Variants in ABLIM1 observed in about 807,000 individuals in gnomAD.
ABLIM1 encodes actin binding LIM protein 1.
Under a neutral mutation model 107.0 loss-of-function variants are expected in ABLIM1, and 40 were observed. That is an observed-to-expected ratio of 0.37 (90% CI 0.29 to 0.49). ABLIM1 has a LOEUF of 0.49. ABLIM1 is among the 20% of genes least tolerant of loss of function. The pLI, the probability that ABLIM1 is intolerant of heterozygous loss-of-function variation, is 0.97. For synonymous variants in ABLIM1, 357 were observed against 357.3 expected (o/e 1.00, Z 0.01); for missense variants, 857 against 1,008.5 (o/e 0.85, Z 2.04).
Position 114,487,993 on chromosome 10 carries a change from A to T in ABLIM1, c.1006T>A (p.Cys336Ser), listed in dbSNP as rs1200318888. 1 of 1,614,140 alleles carries T rather than the reference A, an allele frequency of 6.2e-7. No homozygotes were observed. The change falls in exon 8 of 23, where the codon TGT becomes AGT. Residue 336 changes from cysteine (C) to serine (S), a missense_variant. Cys to Ser is a moderately radical substitution (Grantham distance 112, BLOSUM62 -1). Transcript: ENST00000533213. Reference sequence around the variant, plus strand: ...TCCTCGGTCTTCGTAGATTGCTTACAGTCGGGATGCCAAACGGTGGAGCCT... The same window carrying T: ...TCCTCGGTCTTCGTAGATTGCTTACTGTCGGGATGCCAAACGGTGGAGCCT... The part of the protein sequence containing the change: ...LQGSTVWHPD[C>S]KQSTKTEEKL...
intron 8 of ABLIM1, among the ~76,000 whole-genome samples, chr10:114,481,289 C>G (rs2057330286): frequency 6.6e-6 from 1 of 151,984 alleles, no homozygotes; most frequent in South Asian, 2.1e-4. Context: ...CTGCCCTCCC[C>G]CCATTCAGCA....
intron 1 of ABLIM1, among the ~76,000 whole-genome samples, chr10:114,635,305 T>A (rs1281005744): frequency 6.6e-6 from 1 of 152,214 alleles, no homozygotes; most frequent in African/African-American, 2.4e-5. Context: ...TGGCAAAAAT[T>A]CAAGCGTACA....
Position 114,547,813 on chromosome 10 carries a change from T to C in ABLIM1, c.674-37A>G, listed in dbSNP as rs148786594. On this transcript the variant is annotated intron_variant, in intron 4 of 22. Coordinates refer to ENST00000533213, the MANE Select transcript of ABLIM1 (RefSeq NM_002313.7). Reference sequence around the variant, plus strand: ...CAGCCGCCAGTGGTTACTACACATTTCCTTTGCTAAATCCAAGCAGGCAGC... The same window carrying C: ...CAGCCGCCAGTGGTTACTACACATTCCCTTTGCTAAATCCAAGCAGGCAGC... 5.9e-4 allele frequency: 948 copies of C among 1,597,224 alleles called. 1 individual carries two copies. The African/African-American group carries it at 0.011, about 19-fold the overall frequency.
chr10:114,763,669 C>G (rs760460104), intron 1 of ABLIM1, among the ~76,000 whole-genome samples: 1 of 152,142 alleles, frequency 6.6e-6, no homozygotes, highest in South Asian at 2.1e-4. Flanking sequence ...GAGGCATGAG[C>G]CACTGCACCC....
chr10:114,534,078 T>G lies in ABLIM1; in HGVS notation c.894+10927A>C, dbSNP rs187953630. On this transcript the variant is annotated intron_variant, in intron 6 of 22. Transcript: ENST00000533213. ...AAATTCCCGTGGAATTCATTGAAGA[T>G]CACCTCTGTCGGGTAGGTGGGGCAC... 1.1e-3 allele frequency among the ~76,000 whole-genome samples: 168 copies of G among 152,258 alleles called. 1 individual carries two copies. The highest frequency in any genetic ancestry group is 3.9e-3 in the African/African-American group (160 of 41,536).
rs375279462 is a variant in ABLIM1 at position 114,619,634 on chromosome 10, C to A, written c.245-17673G>T. Among the ~76,000 whole-genome samples, 1 of 152,280 alleles carries A rather than the reference C, an allele frequency of 6.6e-6. No individual in the cohort carries two copies. Among genetic ancestry groups the A allele is most frequent in the East Asian group, 1.9e-4 (1 of 5,184 alleles). On this transcript the variant is annotated intron_variant, in intron 1 of 22. Coordinates refer to ENST00000533213, the MANE Select transcript of ABLIM1 (RefSeq NM_002313.7). This position sits in a 1 kb window ranked among gnomAD's most constrained non-coding sequence, Gnocchi z 4.1. ...CATGGCAGATAGTCCTGGTCCTGAT[C>A]TTGCTCCTCCCTCCCTGGCTGTGAT...
chr10:114,456,918 C>T (rs2133104206), intron 12 of ABLIM1, among the ~76,000 whole-genome samples: 2 of 127,042 alleles, frequency 1.6e-5, no homozygotes, highest in South Asian at 5.2e-4. Context: ...ATTCACCTCT[C>T]TAGTTGTTTT....
At chr10:114,599,141 T>C (rs943154235) in intron 2 of ABLIM1, among the ~76,000 whole-genome samples, 3 of 152,220 alleles carry the variant, frequency 2.0e-5, no homozygotes, top group Non-Finnish European at 4.4e-5. Flanking sequence ...TGAGAAAATA[T>C]AAATTTATAA....
At chr10:114,666,935 G>A (rs1026626722) in intron 1 of ABLIM1, among the ~76,000 whole-genome samples, 1 of 152,090 alleles carries the variant, frequency 6.6e-6, no homozygotes, top group Non-Finnish European at 1.5e-5. Context: ...AAGCCAGCCA[G>A]GTATTGCCAG....
intron 6 of ABLIM1, among the ~76,000 whole-genome samples, chr10:114,544,071 A>AG (rs1208436683): frequency 1.3e-5 from 2 of 152,084 alleles, no homozygotes; most frequent in East Asian, 1.9e-4. Context: ...GGTGGCGGGG[A>AG]GGGGGGCCTC....
chr10:114,608,630 T>G (rs1319807784), intron 1 of ABLIM1, among the ~76,000 whole-genome samples: 1 of 145,282 alleles, frequency 6.9e-6, no homozygotes, highest in East Asian at 2.1e-4. Flanking sequence ...GATCGTGCCA[T>G]TGCACTCCAT....
At chr10:114,770,552 A>T (rs1437996995), upstream of ABLIM1, among the ~76,000 whole-genome samples, 3 of 152,162 alleles carry the variant, frequency 2.0e-5, no homozygotes, top group African/African-American at 7.2e-5. Context: ...ATAACATCTT[A>T]TGAAAGGTTC....
chr10:114,645,853 G>A (rs79970340), intron 1 of ABLIM1, among the ~76,000 whole-genome samples: 290 of 151,862 alleles, frequency 1.9e-3, no homozygotes, highest in African/African-American at 6.8e-3. Flanking sequence ...TATGTTTTAG[G>A]CAGAAGGATG....
At chr10:114,715,155 T>G (rs2081634721) in intron 1 of ABLIM1, among the ~76,000 whole-genome samples, 1 of 152,130 alleles carries the variant, frequency 6.6e-6, no homozygotes, top group Non-Finnish European at 1.5e-5. Flanking sequence ...AAGTACAGAG[T>G]TTCTTCTTTG....
At chr10:114,461,319 A>C (rs990759849) in intron 12 of ABLIM1, among the ~76,000 whole-genome samples, 1 of 151,704 alleles carries the variant, frequency 6.6e-6, no homozygotes, top group South Asian at 2.1e-4. Flanking sequence ...TGCCCACCTC[A>C]GCAGAAATAA....
Position 114,752,923 on chromosome 10 carries a change from T to C in ABLIM1, c.-213+15138A>G, listed in dbSNP as rs558396648. 5.9e-5 allele frequency among the ~76,000 whole-genome samples: 9 copies of C among 152,344 alleles called. No homozygotes were observed. The South Asian group carries it at 1.9e-3, about 32-fold the overall frequency. ...TATATGCGTGCAACAGATTTCATTT[T>C]TTAACTGAGGGTAACAAGTGGCTGT... On this transcript the variant is annotated intron_variant, in intron 1 of 15. Transcript: ENST00000651092.
At chr10:114,538,331 G>C (rs548999435) in intron 6 of ABLIM1, among the ~76,000 whole-genome samples, 4 of 152,188 alleles carry the variant, frequency 2.6e-5, no homozygotes, top group Non-Finnish European at 5.9e-5. Flanking sequence ...AGCAGGAGGG[G>C]TCTAAAAGCG....
At chr10:114,701,188 G>A (rs1273997330) in intron 1 of ABLIM1, among the ~76,000 whole-genome samples, 1 of 152,078 alleles carries the variant, frequency 6.6e-6, no homozygotes, top group African/African-American at 2.4e-5. Flanking sequence ...ACATTAAAAA[G>A]TTCTCAAATA....
Position 114,644,306 on chromosome 10 carries a change from A to ATATAT in ABLIM1, c.244+13650_244+13651insATATA, listed in dbSNP as rs1555214864. On this transcript the variant is annotated intron_variant, in intron 1 of 22. Transcript: ENST00000533213. Reference sequence around the variant, plus strand: ...AAAAAAAAAAAAAAAAAAAAAAAAAAATATATATATATATATATATATATG... The same window carrying ATATAT: ...AAAAAAAAAAAAAAAAAAAAAAAAAATATATATATATATATATATATATATATATG... Among the ~76,000 whole-genome samples the ATATAT allele has an allele frequency of 8.2e-4, 43 of 52,216 alleles. 1 individual carries two copies. Among genetic ancestry groups the ATATAT allele is most frequent in the Non-Finnish European group, 1.0e-3 (32 of 31,820 alleles). 34.3% of individuals were successfully genotyped at this position (52,216 alleles called of 152,430 possible). A position where few individuals can be genotyped will look rare whatever the true frequency, so the allele number is the denominator to read the frequency against.
Sources: allele counts gnomAD v4.1 joint callset (sites outside exome capture counted in the v4.1 genomes callset), GRCh38; gene constraint gnomAD v4.1.1; non-coding constraint Gnocchi (gnomAD v3.1); transcripts MANE v1.5; gene names NCBI Gene and HGNC (gene_info 2026-07-23, HGNC 2026-07-21).